The following AP2B1 variants were observed in gnomAD, a reference collection of about 807,000 sequenced individuals.
The protein encoded by AP2B1 is adaptor related protein complex 2 subunit beta 1.
Under a neutral mutation model 102.0 loss-of-function variants are expected in AP2B1, and 23 were observed. The observed-to-expected ratio is 0.23, with a 90% CI of 0.16 to 0.32. The LOEUF is 0.32. Ranked by LOEUF, AP2B1 falls within the 10% of genes least tolerant of loss-of-function variation. AP2B1 has a pLI of 1.00. For synonymous variants in AP2B1, 381 were observed against 421.2 expected (o/e 0.90, Z 1.17); for missense variants, 541 against 1,157.4 (o/e 0.47, Z 7.73).
chr17:35,707,799 C>G (rs1436215991), intron 18 of AP2B1, among the ~76,000 whole-genome samples: 2 of 152,194 alleles, frequency 1.3e-5, no homozygotes, highest in African/African-American at 4.8e-5. Flanking sequence ...TCTTTCCTGA[C>G]ATTACTCTGC....
chr17:35,609,532 A>G (rs1033335740), intron 5 of AP2B1, among the ~76,000 whole-genome samples: 2 of 152,096 alleles, frequency 1.3e-5, no homozygotes, highest in African/African-American at 4.8e-5. Flanking sequence ...ATTTTTTAGT[A>G]GAGACGGGGC....
chr17:35,594,976 T>C (rs1287071033), intron 2 of AP2B1, among the ~76,000 whole-genome samples: 1 of 152,202 alleles, frequency 6.6e-6, no homozygotes, highest in Non-Finnish European at 1.5e-5. Flanking sequence ...TTAGCTTGCT[T>C]TATTTGTTGC....
At chr17:35,651,954 C>G (rs1381845535) in intron 13 of AP2B1, among the ~76,000 whole-genome samples, 1 of 152,166 alleles carries the variant, frequency 6.6e-6, no homozygotes, top group African/African-American at 2.4e-5. Context: ...GATGTAGATA[C>G]GGATTTTCTG....
At chr17:35,607,609 C>G (rs1242314151) in intron 4 of AP2B1, among the ~76,000 whole-genome samples, 1 of 152,156 alleles carries the variant, frequency 6.6e-6, no homozygotes, top group African/African-American at 2.4e-5. Context: ...GCCAAGAGCT[C>G]AGAGGGCCTT....
At chr17:35,659,693 T>A in intron 14 of AP2B1, 1 of 578,652 alleles carries the variant, frequency 1.7e-6, no homozygotes, top group South Asian at 7.7e-5. Context: ...GGCCCAGTTA[T>A]GTTTTTATGT....
intron 2 of AP2B1, among the ~76,000 whole-genome samples, chr17:35,595,928 A>G (rs1221812449): frequency 6.6e-6 from 1 of 150,834 alleles, no homozygotes; most frequent in African/African-American, 2.5e-5. Context: ...AATAGTTATA[A>G]TTTTAAAACT....
intron 1 of AP2B1, among the ~76,000 whole-genome samples, chr17:35,588,164 A>G (rs1421910904): frequency 9.1e-6 from 1 of 110,002 alleles, no homozygotes; most frequent in African/African-American, 3.6e-5. Flanking sequence ...ACGTCCTGTT[A>G]TTTCCTTATC....
intron 12 of AP2B1, among the ~76,000 whole-genome samples, chr17:35,642,533 T>C (rs752346146): frequency 6.6e-6 from 1 of 152,190 alleles, no homozygotes; most frequent in Non-Finnish European, 1.5e-5. Context: ...ATCAGGTCAT[T>C]ATATTAGATC....
At chr17:35,649,201 A>G (rs1183874435) in intron 12 of AP2B1, among the ~76,000 whole-genome samples, 1 of 152,178 alleles carries the variant, frequency 6.6e-6, no homozygotes. Context: ...GGAAGAAGGT[A>G]TGGGTACAAT....
At chr17:35,635,950 A>G (rs973713050) in intron 9 of AP2B1, among the ~76,000 whole-genome samples, 1 of 150,868 alleles carries the variant, frequency 6.6e-6, no homozygotes, top group African/African-American at 2.4e-5. Flanking sequence ...CAGCCTCCCA[A>G]AATGCTGGGA....
intron 17 of AP2B1, among the ~76,000 whole-genome samples, chr17:35,679,887 T>C (rs1391614780): frequency 6.6e-6 from 1 of 152,094 alleles, no homozygotes; most frequent in Non-Finnish European, 1.5e-5. Context: ...AAAATATTTC[T>C]TTAGCCACTC....
intron 5 of AP2B1, among the ~76,000 whole-genome samples, chr17:35,617,095 G>C (rs1179987219): frequency 6.6e-6 from 1 of 151,864 alleles, no homozygotes; most frequent in Non-Finnish European, 1.5e-5. Flanking sequence ...TTGCTCTGTC[G>C]CGTAGGCTGG....
Position 35,724,939 on chromosome 17 carries a change from G to T in AP2B1, c.*1240G>T, listed in dbSNP as rs1267992574. On this transcript the variant is annotated 3_prime_UTR_variant, in exon 22 of 22. Transcript: ENST00000610402. ...AGATGCCAGAATGAAGGTGTAGCCA[G>T]TGTTTCCCATATGCCCCTGGAGCCC... 1.3e-5 allele frequency: 2 copies of T among 152,276 alleles called. No individual in the cohort carries two copies. The allele number at this position is 152,276 out of a possible 1,614,324, so 9.4% of individuals were successfully genotyped here.
intron 4 of AP2B1, among the ~76,000 whole-genome samples, chr17:35,606,643 A>G (rs2073685558): frequency 6.6e-6 from 1 of 152,138 alleles, no homozygotes. Flanking sequence ...TTACCGACAC[A>G]TAACCACTCT....
intron 18 of AP2B1, among the ~76,000 whole-genome samples, chr17:35,699,510 G>C (rs1372188176): frequency 1.3e-5 from 2 of 152,126 alleles, no homozygotes; most frequent in East Asian, 3.9e-4. Context: ...TGATCTATTG[G>C]GTGGACTGAG....
At position 35,671,852 on chromosome 17, in the gene AP2B1, C is replaced by T. The variant is rs768604341; in HGVS notation, c.2130C>T (p.Leu710=). ...GTGGACTGAATGACCTGTTTGAACT[C>T]TCCACAGGGATAGGCATGGCACCTG... The part of the protein sequence containing the change: ...VSSGLNDLFE[L]STGIGMAPGG... The change falls in exon 16 of 22, where the codon CTC becomes CTT. Residue 710 remains leucine (L), a synonymous_variant. Coordinates refer to ENST00000610402, the MANE Select transcript of AP2B1 (RefSeq NM_001030006.2). 6.2e-7 allele frequency: 1 copy of T among 1,614,072 alleles called. No homozygotes were observed. The highest frequency in any genetic ancestry group is 2.2e-5 in the East Asian group (1 of 44,870).
chr17:35,629,868 G>T (rs142311357), intron 9 of AP2B1, among the ~76,000 whole-genome samples: 1 of 152,250 alleles, frequency 6.6e-6, no homozygotes, highest in African/African-American at 2.4e-5. Flanking sequence ...AATTTACATT[G>T]CCCTGCTTCA....
chr17:35,625,043 A>G (rs1016054769), intron 6 of AP2B1, among the ~76,000 whole-genome samples: 1 of 152,218 alleles, frequency 6.6e-6, no homozygotes, highest in Non-Finnish European at 1.5e-5. Flanking sequence ...AAACCATGTC[A>G]GTCTGAATTT....
chr17:35,600,156 A>C (rs2073428543), intron 3 of AP2B1, among the ~76,000 whole-genome samples: 1 of 151,942 alleles, frequency 6.6e-6, no homozygotes, highest in African/African-American at 2.4e-5. Context: ...ATCTTGGCTC[A>C]CTGCAACCTC....
Sources: gnomAD v4.1 joint callset for allele counts (sites outside exome capture counted in the v4.1 genomes callset) on GRCh38, gnomAD v4.1.1 for gene constraint, MANE v1.5 for transcripts, NCBI Gene and HGNC (gene_info 2026-07-23, HGNC 2026-07-21) for gene names.